Variants in PLCB4 observed in about 807,000 individuals in gnomAD.
PLCB4 encodes phospholipase C beta 4, also known as 1-phosphatidylinositol 4,5-bisphosphate phosphodiesterase beta-4.
In PLCB4, 77 loss-of-function variants were observed where a neutral mutation model predicts 178.8. The ratio of observed to expected loss-of-function variants is 0.43; its 90% CI spans 0.36 to 0.52. The LOEUF is 0.52. PLCB4 is among the 20% of genes least tolerant of loss of function. PLCB4 has a pLI of 0.00. For missense variants in PLCB4, 1,024 were observed against 1,453.4 expected (o/e 0.70, Z 4.80); for synonymous variants, 496 against 490.8 (o/e 1.01, Z -0.14).
chr20:9,202,662 G>A (rs1218189360), intron 2 of PLCB4, among the ~76,000 whole-genome samples: 2 of 152,108 alleles, frequency 1.3e-5, no homozygotes, highest in African/African-American at 4.8e-5. Context: ...CCAGCTGACT[G>A]GTCTAGCTCA....
chr20:9,388,389 C>T (rs2037856176), intron 15 of PLCB4, among the ~76,000 whole-genome samples: 1 of 152,042 alleles, frequency 6.6e-6, no homozygotes, highest in Non-Finnish European at 1.5e-5. Flanking sequence ...TTCTCAACTC[C>T]ACCTACATGT....
intron 1 of PLCB4, among the ~76,000 whole-genome samples, chr20:9,069,768 T>C (rs1376358502): frequency 2.6e-5 from 4 of 152,238 alleles, no homozygotes. Flanking sequence ...ACTTCGTATA[T>C]GGTACTGAAT....
chr20:9,179,905 C>G (rs1342498215), intron 2 of PLCB4, among the ~76,000 whole-genome samples: 1 of 152,076 alleles, frequency 6.6e-6, no homozygotes, highest in Non-Finnish European at 1.5e-5. Context: ...AGAAACAAAA[C>G]ACACCACTAT....
chr20:9,342,501 G>A (rs999633780), intron 7 of PLCB4, among the ~76,000 whole-genome samples: 23 of 152,114 alleles, frequency 1.5e-4, no homozygotes, highest in African/African-American at 4.6e-4. Context: ...AAGTCAATTC[G>A]AGCAAGTAAT....
chr20:9,475,620 G>A (rs2044492031), intron 38 of PLCB4, among the ~76,000 whole-genome samples: 1 of 152,166 alleles, frequency 6.6e-6, no homozygotes, highest in African/African-American at 2.4e-5. Context: ...TGATGCTTCT[G>A]GCAAGCAAAG....
chr20:9,404,807 C>T (rs2039313523), intron 20 of PLCB4, among the ~76,000 whole-genome samples: 1 of 152,112 alleles, frequency 6.6e-6, no homozygotes, highest in Non-Finnish European at 1.5e-5. Flanking sequence ...TGTTTATGTC[C>T]TCATGTGGTG....
At chr20:9,385,160 G>T (rs80193938) in intron 14 of PLCB4, among the ~76,000 whole-genome samples, 3 of 152,176 alleles carry the variant, frequency 2.0e-5, no homozygotes, top group Admixed American at 6.5e-5. Context: ...CAAGGCAGAA[G>T]AATTTTTCTT....
intron 3 of PLCB4, among the ~76,000 whole-genome samples, chr20:9,226,528 A>T (rs2093867721): frequency 6.6e-6 from 1 of 152,176 alleles, no homozygotes; most frequent in African/African-American, 2.4e-5. Flanking sequence ...TCCCATCTGT[A>T]AAATGAGCAC....
intron 12 of PLCB4, among the ~76,000 whole-genome samples, chr20:9,377,630 T>A (rs2036785098): frequency 6.6e-6 from 1 of 152,192 alleles, no homozygotes; most frequent in Non-Finnish European, 1.5e-5. Context: ...TTCATGCTTA[T>A]TTGCTGCGAA....
At chr20:9,099,566 A>G (rs1467373420) in intron 2 of PLCB4, among the ~76,000 whole-genome samples, 2 of 152,138 alleles carry the variant, frequency 1.3e-5, no homozygotes, top group Admixed American at 1.3e-4. Context: ...CACATAGAAC[A>G]TTATCATCAT....
At chr20:9,351,898 G>A (rs775584707) in intron 7 of PLCB4, among the ~76,000 whole-genome samples, 9 of 152,108 alleles carry the variant, frequency 5.9e-5, no homozygotes, top group Admixed American at 1.3e-4. Context: ...GAATGTGACC[G>A]ATAAATACAG....
intron 2 of PLCB4, among the ~76,000 whole-genome samples, chr20:9,182,832 C>T (rs1348380000): frequency 6.6e-6 from 1 of 152,148 alleles, no homozygotes; most frequent in Non-Finnish European, 1.5e-5. Context: ...TCTGAGACAC[C>T]ACCAGCAGCA....
chr20:9,110,384 T>C lies in PLCB4; in HGVS notation c.-79+14042T>C, dbSNP rs554003304. On this transcript the variant is annotated intron_variant, in intron 2 of 39. Transcript: ENST00000378473. ...TTATTGTCTCAGATTCATAAAAATG[T>C]CTTGTAAGCTATCATTTCTCCTCTA... 2.2e-3 allele frequency among the ~76,000 whole-genome samples: 328 copies of C among 152,302 alleles called. 1 individual carries two copies. The highest frequency in any genetic ancestry group is 7.7e-3 in the African/African-American group (322 of 41,578).
chr20:9,293,727 G>A (rs1292434217), intron 3 of PLCB4, among the ~76,000 whole-genome samples: 1 of 152,144 alleles, frequency 6.6e-6, no homozygotes, highest in Admixed American at 6.6e-5. Flanking sequence ...ATGTAGTGAT[G>A]ATACAGATAA....
chr20:9,120,405 G>A (rs1468060969), intron 2 of PLCB4, among the ~76,000 whole-genome samples: 1 of 152,114 alleles, frequency 6.6e-6, no homozygotes, highest in African/African-American at 2.4e-5. Context: ...TGGGATTACA[G>A]GAGTGAGCCA....
chr20:9,455,430 T>A (rs1486314033), intron 33 of PLCB4, among the ~76,000 whole-genome samples: 1 of 152,212 alleles, frequency 6.6e-6, no homozygotes, highest in Non-Finnish European at 1.5e-5. Flanking sequence ...TAGAAATTTT[T>A]AAAAAATTGA....
intron 28 of PLCB4, among the ~76,000 whole-genome samples, chr20:9,425,013 A>G (rs1194330770): frequency 1.3e-5 from 2 of 152,090 alleles, no homozygotes; most frequent in Non-Finnish European, 2.9e-5. Flanking sequence ...CCCAAAATTC[A>G]TAGTCCAGGC....
At position 9,476,357 on chromosome 20, in the gene PLCB4, A is replaced by G. The variant is rs145268992; in HGVS notation, c.3496-360A>G. 5.5e-3 allele frequency among the ~76,000 whole-genome samples: 837 copies of G among 152,238 alleles called. 6 individuals carry two copies. The highest frequency in any genetic ancestry group is 0.019 in the African/African-American group (793 of 41,546). ...TTGACATGTACCATTTCAAACATTA[A>G]CGACTCCATTACTGTCACACACTCG... On this transcript the variant is annotated intron_variant, in intron 38 of 39. Coordinates refer to ENST00000378473, the MANE Select transcript of PLCB4 (RefSeq NM_001377142.1).
At chr20:9,407,872 C>T (rs1212769960) in intron 21 of PLCB4, 45 bp from the exon 22 acceptor site, 5 of 1,567,166 alleles carry the variant, frequency 3.2e-6, no homozygotes, top group African/African-American at 2.7e-5. Flanking sequence ...TCCGTGGGTC[C>T]TACTGAAGTC....
Sources: gnomAD v4.1 joint callset for allele counts (sites outside exome capture counted in the v4.1 genomes callset) on GRCh38, gnomAD v4.1.1 for gene constraint, MANE v1.5 for transcripts, NCBI Gene and HGNC (gene_info 2026-07-23, HGNC 2026-07-21) for gene names.